Variants in COG3 observed in about 807,000 individuals in gnomAD.
COG3 encodes conserved oligomeric Golgi complex subunit 3.
In COG3, 32 loss-of-function variants were observed where a neutral mutation model predicts 114.1. The ratio of observed to expected loss-of-function variants is 0.28; its 90% CI spans 0.21 to 0.38. The LOEUF (loss-of-function observed/expected upper bound fraction) is 0.38. COG3 is among the 10% of genes least tolerant of loss of function. COG3 has a pLI of 1.00. For missense variants in COG3, 813 were observed against 973.2 expected, an observed-to-expected ratio of 0.84 and a Z score of 2.19; for synonymous variants, 352 against 365.7, an observed-to-expected ratio of 0.96 and a Z score of 0.43.
At chr13:45,477,916 A>ACCG (rs1885984509) in intron 2 of COG3, among the ~76,000 whole-genome samples, 1 of 151,884 alleles carries the variant, frequency 6.6e-6, no homozygotes, top group African/African-American at 2.4e-5. Context: ...GTGAGCTACC[A>ACCG]TTCCCGGCCC....
chr13:45,515,824 A>G (rs1998790), intron 16 of COG3, among the ~76,000 whole-genome samples: 1 of 152,088 alleles, frequency 6.6e-6, no homozygotes, highest in African/African-American at 2.4e-5. Context: ...TCTGGGCCAC[A>G]GTTAGGCTGC....
chr13:45,519,797 G>T (rs1871919714), intron 19 of COG3, among the ~76,000 whole-genome samples: 1 of 152,206 alleles, frequency 6.6e-6, no homozygotes, highest in Non-Finnish European at 1.5e-5. Flanking sequence ...CTGATATTAA[G>T]TGAGGACTGA....
At chr13:45,466,636 A>G (rs760550245) in intron 1 of COG3, 5 of 152,190 alleles carry the variant, frequency 3.3e-5, no homozygotes, top group Non-Finnish European at 7.3e-5. Context: ...TAAATTTTCC[A>G]GTCTGTTTAT....
intron 20 of COG3, among the ~76,000 whole-genome samples, chr13:45,525,634 G>GTTTTTTTATTTTT (rs71184421): frequency 3.5e-5 from 2 of 56,632 alleles, no homozygotes; most frequent in Non-Finnish European, 6.0e-5. Flanking sequence ...AGGGCTTTGG[G>GTTTTTTTATTTTT]TTTTTTTTTT....
chr13:45,526,511 A>G (rs1355781803), intron 20 of COG3, among the ~76,000 whole-genome samples: 1 of 152,162 alleles, frequency 6.6e-6, no homozygotes, highest in African/African-American at 2.4e-5. Flanking sequence ...TGAAAGGAAG[A>G]TAGGATTTTA....
rs1566265855 is a variant in COG3 at position 45,513,296 on chromosome 13, TACATATAATATATACATATAAATTATAC to T, written c.1809+1444_1809+1471del. ...ATATATAATATATACATATAAATTA[TACATATAATATATACATATAAATTATAC>T]ATATAATATATACATATAAATTATA... On this transcript the variant is annotated intron_variant, in intron 16 of 22. Transcript: ENST00000349995. Among the ~76,000 whole-genome samples the T allele has an allele frequency of 2.9e-4, 16 of 55,444 alleles. 1 individual carries two copies. Among genetic ancestry groups the T allele is most frequent in the African/African-American group, 1.0e-3 (13 of 12,722 alleles). 36.4% of individuals were successfully genotyped at this position (55,444 alleles called of 152,430 possible).
In COG3 at chr13:45,534,743, G is replaced by T. The variant is rs1345593664; in HGVS notation, c.*12G>T. 1 of 1,555,650 alleles carries T rather than the reference G, an allele frequency of 6.4e-7. No individual in the cohort carries two copies. The highest frequency in any genetic ancestry group is 8.7e-7 in the Non-Finnish European group (1 of 1,149,606). ...TGGTTTCTAAATAAGCAGGCCAGCC[G>T]GGCTGTGCACCTAAATGTCTGTCTG... On this transcript the variant is annotated 3_prime_UTR_variant, in exon 23 of 23. Transcript: ENST00000349995.
At chr13:45,476,064 G>A (rs907795139) in intron 1 of COG3, 137 bp from the exon 2 acceptor site, 63 of 751,064 alleles carry the variant, frequency 8.4e-5, no homozygotes, top group Non-Finnish European at 6.6e-6. Flanking sequence ...GTACTATATA[G>A]TATTTATTAA....
chr13:45,475,308 C>T (rs1885790527), intron 1 of COG3, among the ~76,000 whole-genome samples: 1 of 152,132 alleles, frequency 6.6e-6, no homozygotes, highest in African/African-American at 2.4e-5. Flanking sequence ...GGTGGTCCTC[C>T]CATCTCAGCC....
Position 45,519,335 on chromosome 13 carries a change from G to C in COG3, c.2154+241G>C, listed in dbSNP as rs187180937. 5.3e-5 allele frequency among the ~76,000 whole-genome samples: 8 copies of C among 152,292 alleles called. No homozygotes were observed. The East Asian group carries it at 7.7e-4, about 15-fold the overall frequency. On this transcript the variant is annotated intron_variant, in intron 19 of 22. Transcript: ENST00000349995. ...TCGAAATATTGCAAAGCTAGTTATA[G>C]CTGACCCCTGGTTAGCTGTGTTCTG...
At chr13:45,500,088 GTGTGTGTATATATATATATA>G (rs1160496099) in intron 13 of COG3, among the ~76,000 whole-genome samples, 2 of 48,270 alleles carry the variant, frequency 4.1e-5, no homozygotes, top group African/African-American at 1.2e-4. Flanking sequence ...GTGTGTGTGT[GTGTGTGTATATATATATATA>G]TATATATAAA....
At chr13:45,499,760 G>T (rs534031246) in intron 13 of COG3, among the ~76,000 whole-genome samples, 1 of 152,084 alleles carries the variant, frequency 6.6e-6, no homozygotes. Context: ...GGTGGCTTGC[G>T]CCTGTAATAC....
intron 19 of COG3, among the ~76,000 whole-genome samples, chr13:45,519,563 G>A (rs1303245478): frequency 6.6e-6 from 1 of 152,150 alleles, no homozygotes; most frequent in African/African-American, 2.4e-5. Flanking sequence ...ACATAGCATT[G>A]TTAACTGTCA....
At chr13:45,505,821 C>T (rs1870080932) in intron 14 of COG3, among the ~76,000 whole-genome samples, 1 of 152,068 alleles carries the variant, frequency 6.6e-6, no homozygotes, top group African/African-American at 2.4e-5. Flanking sequence ...TCTTGAACTC[C>T]TGGGCTCAAG....
At chr13:45,471,991 C>T (rs149057753) in intron 1 of COG3, among the ~76,000 whole-genome samples, 15,260 of 152,148 alleles carry the variant, frequency 0.1, 2,166 homozygotes, top group African/African-American at 0.31. Flanking sequence ...CCTCGGCCTC[C>T]GAAAGTGCTG....
At chr13:45,518,644 G>T (rs919645152) in intron 17 of COG3, 118 bp from the exon 18 acceptor site, 1 of 677,034 alleles carries the variant, frequency 1.5e-6, no homozygotes, top group Non-Finnish European at 2.6e-6. Flanking sequence ...TCATGGAGGT[G>T]AGTTGCTGAA....
chr13:45,478,649 T>A (rs2985943), intron 2 of COG3, among the ~76,000 whole-genome samples: 19 of 151,826 alleles, frequency 1.3e-4, no homozygotes, highest in African/African-American at 4.1e-4. Context: ...CCACTACGCC[T>A]GGCTAATTTT....
chr13:45,526,334 C>T (rs1872694400), intron 20 of COG3, among the ~76,000 whole-genome samples: 2 of 151,964 alleles, frequency 1.3e-5, no homozygotes, highest in Non-Finnish European at 2.9e-5. Context: ...GATCCGCCCA[C>T]CTCGACCTCC....
intron 1 of COG3, among the ~76,000 whole-genome samples, chr13:45,470,417 T>G (rs1269869232): frequency 6.6e-6 from 1 of 152,248 alleles, no homozygotes; most frequent in Non-Finnish European, 1.5e-5. Context: ...TATAAATGAT[T>G]CTGGGACAAA....
Sources: gnomAD v4.1 joint callset for allele counts (sites outside exome capture counted in the v4.1 genomes callset) on GRCh38, gnomAD v4.1.1 for gene constraint, MANE v1.5 for transcripts, NCBI Gene and HGNC (gene_info 2026-07-23, HGNC 2026-07-21) for gene names.